WDHD1: variants seen among roughly 807,000 people sequenced by gnomAD.
WDHD1 encodes WD repeat and HMG-box DNA binding protein 1.
WDHD1 carries 111 observed loss-of-function variants against 135.4 expected under a neutral mutation model. The ratio of observed to expected loss-of-function variants is 0.82; its 90% CI spans 0.70 to 0.96. The LOEUF is 0.96. WDHD1 is among the 40% of genes least tolerant of loss of function. The pLI is 0.00. For synonymous variants in WDHD1, 434 were observed against 439.0 expected (o/e 0.99, Z 0.14); for missense variants, 1,351 against 1,336.3 (o/e 1.01, Z -0.17).
chr14:54,961,857 G>A (rs919214496), intron 21 of WDHD1, among the ~76,000 whole-genome samples: 32 of 146,206 alleles, frequency 2.2e-4, no homozygotes, highest in African/African-American at 7.8e-4. Flanking sequence ...TTTTTTTTGA[G>A]ATGGAGTCTC....
intron 2 of WDHD1, among the ~76,000 whole-genome samples, chr14:55,023,062 C>T (rs1403359630): frequency 1.3e-5 from 2 of 152,088 alleles, no homozygotes; most frequent in Non-Finnish European, 2.9e-5. Flanking sequence ...GATCCACCCA[C>T]CTCGGCCTCC....
intron 21 of WDHD1, among the ~76,000 whole-genome samples, chr14:54,959,256 GA>G (rs934617543): frequency 2.0e-5 from 3 of 151,930 alleles, no homozygotes; most frequent in African/African-American, 7.3e-5. Context: ...AAACTAGCCA[GA>G]CATGGTGACA....
At chr14:54,951,618 G>C (rs2041054944) in intron 24 of WDHD1, among the ~76,000 whole-genome samples, 2 of 152,098 alleles carry the variant, frequency 1.3e-5, no homozygotes, top group African/African-American at 4.8e-5. Context: ...CCAATCAATA[G>C]AAAAAGAGGG....
intron 4 of WDHD1, among the ~76,000 whole-genome samples, chr14:55,009,945 C>T (rs1396500587): frequency 1.3e-5 from 2 of 151,870 alleles, no homozygotes; most frequent in African/African-American, 2.4e-5. Flanking sequence ...CTCAGCTTCC[C>T]GAGTAGCTGG....
chr14:54,958,745 T>A (rs2041201457), intron 21 of WDHD1, among the ~76,000 whole-genome samples: 1 of 152,192 alleles, frequency 6.6e-6, no homozygotes, highest in Admixed American at 6.6e-5. Flanking sequence ...AATAGTTGGT[T>A]CCTCCTCTTC....
intron 11 of WDHD1, among the ~76,000 whole-genome samples, chr14:54,994,849 G>A (rs1399200351): frequency 2.6e-5 from 4 of 152,198 alleles, no homozygotes; most frequent in African/African-American, 9.6e-5. Flanking sequence ...CATGTGGCTA[G>A]TGGCTACTAT....
At position 54,944,407 on chromosome 14, in the gene WDHD1, A is replaced by C; in HGVS notation, c.3114T>G (p.Pro1038=). ...ENRSNILSDN[P]DFSDEADIIK... ...TTATGTCTGCTTCATCTGAAAAGTC[A>C]GGATTGTCAGACAAAATATTACTTC... is the stretch of plus-strand genomic sequence containing the variant. The change falls in exon 25 of 26, where the codon CCT becomes CCG. Residue 1038 remains proline, a synonymous_variant. Transcript: ENST00000360586. 6.2e-7 allele frequency: 1 copy of C among 1,608,326 alleles called. No homozygotes were observed. Among genetic ancestry groups the C allele is most frequent in the Non-Finnish European group, 8.5e-7 (1 of 1,178,976 alleles).
chr14:55,012,114 G>A (rs1595121143), intron 3 of WDHD1, among the ~76,000 whole-genome samples: 1 of 151,800 alleles, frequency 6.6e-6, no homozygotes, highest in Non-Finnish European at 1.5e-5. Flanking sequence ...CAATCTTATG[G>A]GGAAAAAAAA....
intron 2 of WDHD1, among the ~76,000 whole-genome samples, chr14:55,019,911 A>C (rs2042318323): frequency 6.6e-6 from 1 of 152,172 alleles, no homozygotes; most frequent in Non-Finnish European, 1.5e-5. Context: ...CATGAAGATT[A>C]ATTATATCAA....
chr14:54,994,299 T>C (rs2041841998), intron 11 of WDHD1, among the ~76,000 whole-genome samples: 1 of 152,190 alleles, frequency 6.6e-6, no homozygotes, highest in African/African-American at 2.4e-5. Flanking sequence ...TCATTTAAGT[T>C]GTTAAATTTA....
At chr14:54,972,268 C>T (rs2041447684) in intron 16 of WDHD1, among the ~76,000 whole-genome samples, 6 of 132,672 alleles carry the variant, frequency 4.5e-5, no homozygotes, top group Admixed American at 2.3e-4. Flanking sequence ...GAGTGAGACT[C>T]GGTCTCACCA....
At chr14:54,971,441 G>C (rs1222997337) in intron 16 of WDHD1, among the ~76,000 whole-genome samples, 1 of 152,066 alleles carries the variant, frequency 6.6e-6, no homozygotes, top group East Asian at 1.9e-4. Flanking sequence ...TCCAGGTGTG[G>C]TGGCATGTGC....
chr14:55,018,816 GAGGCGAGACC>G (rs745505589), intron 2 of WDHD1, among the ~76,000 whole-genome samples: 3 of 152,202 alleles, frequency 2.0e-5, no homozygotes, highest in Non-Finnish European at 4.4e-5. Context: ...AGCACTTTGG[GAGGCGAGACC>G]AGCCTGACCA....
At chr14:55,023,550 T>A (rs1199324091) in intron 2 of WDHD1, among the ~76,000 whole-genome samples, 1 of 152,218 alleles carries the variant, frequency 6.6e-6, no homozygotes, top group Non-Finnish European at 1.5e-5. Context: ...ATGTCCAGCA[T>A]CACTAGTGGC....
intron 2 of WDHD1, 33 bp downstream of exon 2, chr14:55,026,678 G>A: frequency 1.2e-6 from 2 of 1,602,702 alleles, no homozygotes; most frequent in Non-Finnish European, 1.7e-6. Context: ...TTTAACATTT[G>A]CACCTAAAAC....
At chr14:54,945,963 G>A (rs1244218736) in intron 24 of WDHD1, among the ~76,000 whole-genome samples, 2 of 152,132 alleles carry the variant, frequency 1.3e-5, no homozygotes, top group Non-Finnish European at 2.9e-5. Context: ...TTACTAGTAT[G>A]ACCATAACCA....
chr14:55,023,859 ATGTT>A (rs1322544154), intron 2 of WDHD1, among the ~76,000 whole-genome samples: 1 of 152,084 alleles, frequency 6.6e-6, no homozygotes, highest in Non-Finnish European at 1.5e-5. Context: ...CTGCATCTTT[ATGTT>A]TGTTTACATT....
intron 21 of WDHD1, among the ~76,000 whole-genome samples, chr14:54,959,697 G>A (rs2041218111): frequency 6.6e-6 from 1 of 151,996 alleles, no homozygotes; most frequent in Admixed American, 6.6e-5. Context: ...GAGCATACGA[G>A]TTCAAGGCTG....
At chr14:54,957,306 T>C (rs1297583148) in intron 22 of WDHD1, 102 bp from the exon 23 acceptor site, 7 of 1,278,872 alleles carry the variant, frequency 5.5e-6, no homozygotes, top group South Asian at 3.1e-5. Flanking sequence ...TGTATTGCCA[T>C]CTCATCTTTA....
Sources: allele counts gnomAD v4.1 joint callset (sites outside exome capture counted in the v4.1 genomes callset), GRCh38; gene constraint gnomAD v4.1.1; transcripts MANE v1.5; gene names NCBI Gene and HGNC (gene_info 2026-07-23, HGNC 2026-07-21).